BHLHE41: variants seen among roughly 807,000 people sequenced by gnomAD.
The protein encoded by BHLHE41 is basic helix-loop-helix family member e41, also known as class E basic helix-loop-helix protein 41.
Under a neutral mutation model 24.0 loss-of-function variants are expected in BHLHE41, and 14 were observed. The ratio of observed to expected loss-of-function variants is 0.58; its 90% CI spans 0.39 to 0.91. The LOEUF is 0.91. BHLHE41 is among the 40% of genes least tolerant of loss of function. BHLHE41 has a pLI of 0.00. For missense variants in BHLHE41, 674 were observed against 655.4 expected (o/e 1.03, Z -0.31); for synonymous variants, 394 against 315.5 (o/e 1.25, Z -2.64).
At chr12:26,123,549 C>CG (rs1233692558) in intron 4 of BHLHE41, 81 bp downstream of exon 4, 2 of 948,168 alleles carry the variant, frequency 2.1e-6, no homozygotes, top group Non-Finnish European at 3.5e-6. Context: ...AGATGGGGTG[C>CG]GGGTGAGGGA....
At chr12:26,124,320 T>C in intron 2 of BHLHE41, 141 bp from the exon 3 acceptor site, 1 of 642,864 alleles carries the variant, frequency 1.6e-6, no homozygotes, top group Non-Finnish European at 2.6e-6. Flanking sequence ...CTCTTTCCTC[T>C]GGACTGTTCT....
chr12:26,122,524 C>A lies in BHLHE41; in HGVS notation c.991G>T (p.Gly331Ter). 2 of 1,282,800 alleles carry A rather than the reference C, an allele frequency of 1.6e-6. No homozygotes were observed. The highest frequency in any genetic ancestry group is 2.0e-6 in the Non-Finnish European group (2 of 1,004,462). 79.5% of individuals were successfully genotyped at this position (1,282,800 alleles called of 1,614,324 possible). A position where few individuals can be genotyped will look rare whatever the true frequency, so the allele number is the denominator to read the frequency against. Residue 331 changes from glycine to a stop codon, truncating the protein, a stop_gained, in exon 5 of 5, where the codon GGA becomes TGA. Coordinates refer to ENST00000242728, the MANE Select transcript of BHLHE41 (RefSeq NM_030762.3). LOFTEE classifies it high-confidence loss of function. ...TGCGGGAAGGGCGCGCCTCCGCCTC[C>A]GCCGAACGCCACCAGCGAGCTGAGC... ...ALLSSLVAFG[G>*]GGGAPFPQPA...
chr12:26,122,205 TCG>T lies in BHLHE41; in HGVS notation c.1308_1309del (p.His436GlnfsTer63). 1 of 1,382,224 alleles carries T rather than the reference TCG, an allele frequency of 7.2e-7. No individual in the cohort carries two copies. Among genetic ancestry groups the T allele is most frequent in the Non-Finnish European group, 9.3e-7 (1 of 1,070,598 alleles). The allele number at this position is 1,382,224 out of a possible 1,614,324, so 85.6% of individuals were successfully genotyped here. A position where few individuals can be genotyped will look rare whatever the true frequency, so the allele number is the denominator to read the frequency against. ...GTGCGGCGCCCCAAGGGGCGCCACC[TCG>T]TGCGGCAGGAGGGTCGCGGCGGCGG... On this transcript the variant is annotated frameshift_variant, in exon 5 of 5. Coordinates refer to ENST00000242728, the MANE Select transcript of BHLHE41 (RefSeq NM_030762.3). LOFTEE classifies it high-confidence loss of function.
Position 26,122,248 on chromosome 12 carries a change from G to T in BHLHE41, c.1267C>A (p.Pro423Thr). Reference sequence around the variant, plus strand: ...GCGGCGGCGGCGCCCGCCTTCTCGGGAGGGGGCGACAACACCGAGGACAGG... The same window carrying T: ...GCGGCGGCGGCGCCCGCCTTCTCGGTAGGGGGCGACAACACCGAGGACAGG... ...PCLSSVLSPP[P>T]EKAGAAAATL... Residue 423 changes from proline to threonine, a missense_variant, in exon 5 of 5, where the codon CCC becomes ACC. By Grantham distance (38) the Pro-to-Thr change is conservative. Around this residue, in one of 3 missense-constraint regions of BHLHE41, gnomAD observed 602 missense variants for 570.8 expected, o/e 1.05. Coordinates refer to ENST00000242728, the MANE Select transcript of BHLHE41 (RefSeq NM_030762.3). 7.8e-7 allele frequency: 1 copy of T among 1,275,060 alleles called. No individual in the cohort carries two copies. The allele number at this position is 1,275,060 out of a possible 1,614,324, so 79.0% of individuals were successfully genotyped here.
intron 2 of BHLHE41, 44 bp from the exon 3 acceptor site, chr12:26,124,223 A>T: frequency 5.4e-6 from 7 of 1,289,144 alleles, no homozygotes; most frequent in Non-Finnish European, 7.8e-6. Flanking sequence ...AGTAAGCGAA[A>T]CATTCACTTA....
In BHLHE41 at chr12:26,122,010, A is replaced by G; in HGVS notation, c.*56T>C. On this transcript the variant is annotated 3_prime_UTR_variant, in exon 5 of 5. Coordinates refer to ENST00000242728, the MANE Select transcript of BHLHE41 (RefSeq NM_030762.3). ...CTTCTCACTCTGCTTGAACCTCCTT[A>G]AGGGTATTTTAACTTCTCACTCTGC... 2 of 1,544,438 alleles carry G rather than the reference A, an allele frequency of 1.3e-6. No individual in the cohort carries two copies. The highest frequency in any genetic ancestry group is 1.7e-6 in the Non-Finnish European group (2 of 1,143,352).
chr12:26,123,225 T>C (rs1944330905), intron 4 of BHLHE41, 57 bp from the exon 5 acceptor site: 1 of 1,512,280 alleles, frequency 6.6e-7, no homozygotes, highest in African/African-American at 1.4e-5. Context: ...AGAAGAAACA[T>C]ACCCACGTTA....
At chr12:26,123,368 C>A (rs1192393160) in intron 4 of BHLHE41, among the ~76,000 whole-genome samples, 200 bp from the exon 5 acceptor site, 1 of 152,166 alleles carries the variant, frequency 6.6e-6, no homozygotes, top group Non-Finnish European at 1.5e-5. Context: ...AGAGGGCGCT[C>A]TCCTCCCAGC....
chr12:26,123,223 C>CAT, intron 4 of BHLHE41, 55 bp from the exon 5 acceptor site: 1 of 1,516,710 alleles, frequency 6.6e-7, no homozygotes, highest in African/African-American at 1.4e-5. Context: ...CAAGAAGAAA[C>CAT]ATACCCACGT....
chr12:26,123,523 A>G (rs1470253190), intron 4 of BHLHE41, 107 bp downstream of exon 4: 2 of 847,896 alleles, frequency 2.4e-6, no homozygotes, highest in Admixed American at 3.4e-5. Context: ...GAGGGAACCC[A>G]TGAGCCCACG....
Position 26,122,389 on chromosome 12 carries a change from G to A in BHLHE41, c.1126C>T (p.Leu376=), listed in dbSNP as rs1173442692. ...GGGGCGGCAGCCGCCGCCGGGTACAGATACTTCTCCAGGCCGCTCTTGTCC... is the reference window on the plus strand; with the variant it reads ...GGGGCGGCAGCCGCCGCCGGGTACAAATACTTCTCCAGGCCGCTCTTGTCC... ...FLDKSGLEKY[L]YPAAAAAPFP... is the part of the protein sequence containing the mutation. The change falls in exon 5 of 5, where the codon CTG becomes TTG. Residue 376 remains leucine (L), a synonymous_variant. Transcript: ENST00000242728. 1 of 1,251,228 alleles carries A rather than the reference G, an allele frequency of 8.0e-7. No homozygotes were observed. Among genetic ancestry groups the A allele is most frequent in the African/African-American group, 1.6e-5 (1 of 63,758 alleles). 77.5% of individuals were successfully genotyped at this position (1,251,228 alleles called of 1,614,324 possible).
rs1357630759 is a variant in BHLHE41 at position 26,121,716 on chromosome 12, G to A, written c.*350C>T. The A allele has an allele frequency of 1.6e-5, 5 of 303,474 alleles. No homozygotes were observed. Among genetic ancestry groups the A allele is most frequent in the African/African-American group, 1.1e-4 (5 of 45,198 alleles). 18.8% of individuals were successfully genotyped at this position (303,474 alleles called of 1,614,324 possible). On this transcript the variant is annotated 3_prime_UTR_variant, in exon 5 of 5. Coordinates refer to ENST00000242728, the MANE Select transcript of BHLHE41 (RefSeq NM_030762.3). ...ACCCTTCTTACTTCCTCTCGAATTA[G>A]GTTCCAATTTTAAGAGATAATGGAA...
Position 26,124,905 on chromosome 12 carries a change from T to C in BHLHE41, c.-126A>G. On this transcript the variant is annotated 5_prime_UTR_variant, in exon 1 of 5. Transcript: ENST00000242728. ...CCAGTCTCTCTCTCGCTCTCCCTCTTCAGTGCAGTGTTGAAAGTGTGAAGC... is the reference window on the plus strand; with the variant it reads ...CCAGTCTCTCTCTCGCTCTCCCTCTCCAGTGCAGTGTTGAAAGTGTGAAGC... The C allele has an allele frequency of 2.1e-6, 2 of 955,684 alleles. No individual in the cohort carries two copies. The highest frequency in any genetic ancestry group is 3.4e-6 in the Non-Finnish European group (2 of 593,920). The allele number at this position is 955,684 out of a possible 1,614,324, so 59.2% of individuals were successfully genotyped here.
Position 26,122,046 on chromosome 12 carries a change from G to A in BHLHE41, c.*20C>T, listed in dbSNP as rs1183444176. On this transcript the variant is annotated 3_prime_UTR_variant, in exon 5 of 5. Transcript: ENST00000242728. ...AACTTCTCACTCTGCTTGAACCTCC[G>A]TCCTTCGGGACGCAAGGATTCAGGG... is the stretch of plus-strand genomic sequence containing the variant. 2.6e-6 allele frequency: 4 copies of A among 1,548,880 alleles called. No homozygotes were observed. Among genetic ancestry groups the A allele is most frequent in the South Asian group, 1.2e-5 (1 of 84,050 alleles).
chr12:26,120,358 G>C lies in BHLHE41; in HGVS notation c.*1708C>G, dbSNP rs911806413. 2 of 152,510 alleles carry C rather than the reference G, an allele frequency of 1.3e-5. No homozygotes were observed. Among genetic ancestry groups the C allele is most frequent in the East Asian group, 3.8e-4 (2 of 5,206 alleles). The allele number at this position is 152,510 out of a possible 1,614,324, so 9.4% of individuals were successfully genotyped here. A position where few individuals can be genotyped will look rare whatever the true frequency, so the allele number is the denominator to read the frequency against. Reference sequence around the variant, plus strand: ...AATTTATGGAGTGCTGAAAATACTAGAATATAAAGGTAATTTCTAGTTTAT... The same window carrying C: ...AATTTATGGAGTGCTGAAAATACTACAATATAAAGGTAATTTCTAGTTTAT... On this transcript the variant is annotated 3_prime_UTR_variant, in exon 5 of 5. Coordinates refer to ENST00000242728, the MANE Select transcript of BHLHE41 (RefSeq NM_030762.3).
Position 26,123,618 on chromosome 12 carries a change from G to C in BHLHE41, c.346+12C>G. On this transcript the variant is annotated intron_variant, in intron 4 of 4. Transcript: ENST00000242728. Reference sequence around the variant, plus strand: ...TTCATCAGGGTAGGCTGGCCTCCCTGAACTGACTTACCATTCTGTAAAGCA... The same window carrying C: ...TTCATCAGGGTAGGCTGGCCTCCCTCAACTGACTTACCATTCTGTAAAGCA... 6.3e-7 allele frequency: 1 copy of C among 1,598,470 alleles called. No homozygotes were observed. The highest frequency in any genetic ancestry group is 8.6e-7 in the Non-Finnish European group (1 of 1,165,690).
chr12:26,123,376 A>C (rs1468862676), intron 4 of BHLHE41, among the ~76,000 whole-genome samples: 1 of 152,216 alleles, frequency 6.6e-6, no homozygotes, highest in Non-Finnish European at 1.5e-5. Context: ...CTCTCCTCCC[A>C]GCTGAAAACC....
intron 1 of BHLHE41, 39 bp from the exon 2 acceptor site, chr12:26,124,621 AG>A (rs1944346768): frequency 6.2e-7 from 1 of 1,613,052 alleles, no homozygotes; most frequent in Non-Finnish European, 8.5e-7. Context: ...CCATTCGGGG[AG>A]GGGCTCTGCC....
Position 26,122,460 on chromosome 12 carries a change from C to A in BHLHE41, c.1055G>T (p.Cys352Phe). ...GGCAGCTGCAGAAGGCGAGAGGAAG[C>A]AGAAGGGCAGGCAGAAGGGGGCCGC... The part of the protein sequence containing the change: ...AAAAPFCLPF[C>F]FLSPSAAAAY... Residue 352 changes from cysteine to phenylalanine, a missense_variant, in exon 5 of 5, where the codon TGC becomes TTC. Coordinates refer to ENST00000242728, the MANE Select transcript of BHLHE41 (RefSeq NM_030762.3). The A allele has an allele frequency of 7.4e-7, 1 of 1,353,000 alleles. No homozygotes were observed. Among genetic ancestry groups the A allele is most frequent in the South Asian group, 1.6e-5 (1 of 61,074 alleles). The allele number at this position is 1,353,000 out of a possible 1,614,324, so 83.8% of individuals were successfully genotyped here. A position where few individuals can be genotyped will look rare whatever the true frequency, so the allele number is the denominator to read the frequency against.
Sources: allele counts gnomAD v4.1 joint callset (sites outside exome capture counted in the v4.1 genomes callset), GRCh38; gene constraint gnomAD v4.1.1; regional missense constraint gnomAD v4.1.1; transcripts MANE v1.5; gene names NCBI Gene and HGNC (gene_info 2026-07-23, HGNC 2026-07-21).